Variants in RGS6 observed in about 807,000 individuals in gnomAD.
RGS6 encodes regulator of G protein signaling 6, also known as regulator of G-protein signaling 6.
Under a neutral mutation model 78.5 loss-of-function variants are expected in RGS6, and 30 were observed. That is an observed-to-expected ratio of 0.38 (90% confidence interval 0.29 to 0.52). The LOEUF is 0.52. Ranked by LOEUF, RGS6 falls within the 20% of genes least tolerant of loss-of-function variation. The pLI is 0.85. For synonymous variants in RGS6, 206 were observed against 206.0 expected (o/e 1.00, Z 0.00); for missense variants, 495 against 609.7 (o/e 0.81, Z 1.98).
intron 13 of RGS6, among the ~76,000 whole-genome samples, chr14:72,502,858 A>C (rs1032474019): frequency 6.6e-6 from 1 of 152,212 alleles, no homozygotes; most frequent in African/African-American, 2.4e-5. Context: ...GTATTAAATA[A>C]AATTATGATT....
At chr14:72,199,753 A>G (rs1198841698) in intron 2 of RGS6, among the ~76,000 whole-genome samples, 2 of 152,216 alleles carry the variant, frequency 1.3e-5, no homozygotes, top group East Asian at 1.9e-4. Context: ...TATGATGTAC[A>G]GGGTCTAAGT....
Position 72,222,919 on chromosome 14 carries a change from T to G in RGS6, c.85-129176T>G, listed in dbSNP as rs975569778. On this transcript the variant is annotated intron_variant, in intron 2 of 17. Transcript: ENST00000553525. ...GTACTCACAATAGTTAAATATTTCC[T>G]GAGCAGTTTTATTTATCTCATTAAT... Among the ~76,000 whole-genome samples the G allele has an allele frequency of 2.6e-5, 4 of 152,238 alleles. 1 individual carries two copies. The highest frequency in any genetic ancestry group is 5.9e-5 in the Non-Finnish European group (4 of 68,034).
the RGS6 span, among the ~76,000 whole-genome samples, chr14:72,606,584 G>C: frequency 6.6e-6 from 1 of 152,122 alleles, no homozygotes; most frequent in African/African-American, 2.4e-5. Flanking sequence ...CCTCTCCCCA[G>C]GGAAAAAGCA....
chr14:72,475,830 G>GCACACACACACACACACACGCACACACA (rs1555424336), intron 10 of RGS6, among the ~76,000 whole-genome samples: 8,211 of 145,214 alleles, frequency 0.057, 267 homozygotes, highest in Non-Finnish European at 0.069. Context: ...AAAAATACAC[G>GCACACACACACACACACACGCACACACA]CACACACACA....
chr14:72,293,294 C>T (rs1480474683), intron 2 of RGS6, among the ~76,000 whole-genome samples: 1 of 152,174 alleles, frequency 6.6e-6, no homozygotes. Flanking sequence ...TTCATAGTCC[C>T]TCTGCATGTT....
At chr14:71,881,741 T>A in the RGS6 span, among the ~76,000 whole-genome samples, 17 of 152,326 alleles carry the variant, frequency 1.1e-4, no homozygotes, top group African/African-American at 3.8e-4. Context: ...GAGAATGGAC[T>A]AATACAGCTG....
intron 2 of RGS6, among the ~76,000 whole-genome samples, chr14:72,274,438 C>T (rs1319442049): frequency 6.6e-6 from 1 of 152,214 alleles, no homozygotes; most frequent in African/African-American, 2.4e-5. Context: ...TCACTGCCTT[C>T]CTCCCATGGC....
intron 2 of RGS6, among the ~76,000 whole-genome samples, chr14:72,207,914 T>C (rs1014934475): frequency 6.6e-6 from 1 of 152,206 alleles, no homozygotes; most frequent in African/African-American, 2.4e-5. Context: ...GATTGTTAAT[T>C]GGAGGAAGTG....
At chr14:72,539,697 G>A (rs1040416408) in intron 16 of RGS6, among the ~76,000 whole-genome samples, 1 of 152,190 alleles carries the variant, frequency 6.6e-6, no homozygotes, top group Non-Finnish European at 1.5e-5. Flanking sequence ...GTTGAAAGCA[G>A]CAAGCAAGCT....
intron 2 of RGS6, among the ~76,000 whole-genome samples, chr14:72,040,014 A>G (rs574539855): frequency 2.6e-5 from 4 of 152,072 alleles, no homozygotes; most frequent in South Asian, 2.1e-4. Context: ...TTTGTTACCA[A>G]TCTTTCAAAT....
intron 10 of RGS6, 114 bp downstream of exon 10, chr14:72,474,813 C>A: frequency 3.5e-6 from 3 of 857,244 alleles, no homozygotes; most frequent in Non-Finnish European, 1.8e-6. Flanking sequence ...TCATTTGAAA[C>A]CATAACCATT....
chr14:72,556,221 T>C (rs747237942), intron 17 of RGS6, among the ~76,000 whole-genome samples: 3 of 152,158 alleles, frequency 2.0e-5, no homozygotes, highest in Non-Finnish European at 4.4e-5. Flanking sequence ...TGACTCACAG[T>C]TCCACATGGC....
At chr14:72,380,085 A>G (rs1027590329) in intron 3 of RGS6, among the ~76,000 whole-genome samples, 1 of 146,104 alleles carries the variant, frequency 6.8e-6, no homozygotes, top group African/African-American at 2.5e-5. Flanking sequence ...CAGTATCTTA[A>G]ATAAATGGTC....
At chr14:71,918,208 A>C in the RGS6 span, among the ~76,000 whole-genome samples, 3 of 139,624 alleles carry the variant, frequency 2.1e-5, no homozygotes, top group East Asian at 2.0e-4. Context: ...AAAAAAAAAA[A>C]AAAAAAAAAA....
chr14:72,047,606 C>T (rs536052688), intron 2 of RGS6, among the ~76,000 whole-genome samples: 152 of 152,300 alleles, frequency 1.0e-3, no homozygotes, highest in Admixed American at 1.2e-3. Context: ...CTTTCTTATA[C>T]GAGTCTGCAG....
intron 2 of RGS6, among the ~76,000 whole-genome samples, chr14:72,254,985 A>G (rs1486282751): frequency 3.3e-5 from 5 of 152,178 alleles, no homozygotes; most frequent in Non-Finnish European, 5.9e-5. Context: ...GTGGATCAAG[A>G]GAAAGAAACA....
intron 2 of RGS6, among the ~76,000 whole-genome samples, chr14:72,262,052 T>A (rs977066870): frequency 3.3e-5 from 5 of 152,152 alleles, no homozygotes; most frequent in South Asian, 2.1e-4. Context: ...TTTTTTTTTT[T>A]AATTGCATTA....
chr14:72,147,192 T>C (rs557962272), intron 2 of RGS6, among the ~76,000 whole-genome samples: 2 of 152,368 alleles, frequency 1.3e-5, no homozygotes, highest in South Asian at 2.1e-4. Context: ...CAATCTATGC[T>C]TCTTAAAATC....
chr14:72,313,722 A>G (rs1448281532), intron 2 of RGS6, among the ~76,000 whole-genome samples: 2 of 152,234 alleles, frequency 1.3e-5, no homozygotes, highest in Non-Finnish European at 2.9e-5. Flanking sequence ...CATGATACAT[A>G]CAAAGGGGCT....
Sources: gnomAD v4.1 joint callset for allele counts (sites outside exome capture counted in the v4.1 genomes callset) on GRCh38, gnomAD v4.1.1 for gene constraint, MANE v1.5 for transcripts, NCBI Gene and HGNC (gene_info 2026-07-23, HGNC 2026-07-21) for gene names.